Variants in BAZ1B observed in about 807,000 individuals in gnomAD.
The protein encoded by BAZ1B is bromodomain adjacent to zinc finger domain 1B.
BAZ1B carries 22 observed loss-of-function variants against 153.8 expected under a neutral mutation model. That is an observed-to-expected ratio of 0.14 (90% CI 0.10 to 0.20). The LOEUF is 0.20. BAZ1B is among the 10% of genes least tolerant of loss of function. BAZ1B has a pLI of 1.00. For missense variants in BAZ1B, 1,325 were observed against 1,799.3 expected (o/e 0.74, Z 4.77); for synonymous variants, 676 against 633.4 (o/e 1.07, Z -1.01).
At chr7:73,521,283 C>T (rs574778329) in intron 1 of BAZ1B, among the ~76,000 whole-genome samples, 9 of 152,096 alleles carry the variant, frequency 5.9e-5, no homozygotes, top group Non-Finnish European at 1.3e-4. Flanking sequence ...AGTTCATCCC[C>T]GGCCTAAAGT....
chr7:73,447,353 T>G lies in BAZ1B; in HGVS notation c.3755A>C (p.Glu1252Ala). ...ATCACTCTCATCATCTTCACTGTCC[T>G]CAGAAGCAGACTCTTCAGTATAGTT... is the stretch of plus-strand genomic sequence containing the variant. The part of the protein sequence containing the change: ...GRNYTEESAS[E>A]DSEDDESDEE... Residue 1252 changes from glutamate to alanine, a missense_variant, in exon 16 of 20, where the codon GAG (glutamate) becomes GCG (alanine). Physicochemically the swap from Glu to Ala is moderately radical, Grantham distance 107 (BLOSUM62 -1). Coordinates refer to ENST00000339594, the MANE Select transcript of BAZ1B (RefSeq NM_032408.4). 1 of 1,613,770 alleles carries G rather than the reference T, an allele frequency of 6.2e-7. No homozygotes were observed. Among genetic ancestry groups the G allele is most frequent in the Non-Finnish European group, 8.5e-7 (1 of 1,179,796 alleles).
At position 73,519,415 on chromosome 7, in the gene BAZ1B, T is replaced by C. The variant is rs192754497; in HGVS notation, c.107+2412A>G. Among the ~76,000 whole-genome samples, 58 of 152,296 alleles carry C rather than the reference T, an allele frequency of 3.8e-4. 1 individual carries two copies. The highest frequency in any genetic ancestry group is 8.8e-5 in the Non-Finnish European group (6 of 68,028). The stretch of plus-strand genomic sequence containing the variant: ...CAATCTGCCAACCATACAGTACAAT[T>C]GTTTAAAAACCATCCTCAAAGTGCT... On this transcript the variant is annotated intron_variant, in intron 1 of 19. Coordinates refer to ENST00000339594, the MANE Select transcript of BAZ1B (RefSeq NM_032408.4).
Position 73,459,589 on chromosome 7 carries a change from A to G in BAZ1B, c.3379T>C (p.Ser1127Pro). The G allele has an allele frequency of 6.2e-7, 1 of 1,613,880 alleles. No homozygotes were observed. Among genetic ancestry groups the G allele is most frequent in the Non-Finnish European group, 8.5e-7 (1 of 1,179,982 alleles). Residue 1127 changes from serine to proline, a missense_variant, in exon 13 of 20, where the codon TCA becomes CCA. By Grantham distance (74) the Ser-to-Pro change is moderately conservative (BLOSUM62 -1). Coordinates refer to ENST00000339594, the MANE Select transcript of BAZ1B (RefSeq NM_032408.4). ...TCATCCACTTCCTCAGTTTTTGCTGAATCTTCACTTTGGAGTTTTCTTCTC... is the reference window on the plus strand; with the variant it reads ...TCATCCACTTCCTCAGTTTTTGCTGGATCTTCACTTTGGAGTTTTCTTCTC... Reference protein sequence around the residue: ...QKRRKLQSEDSAKTEEVDEEK... With the variant: ...QKRRKLQSEDPAKTEEVDEEK...
chr7:73,457,217 G>A (rs1788239960), intron 13 of BAZ1B, among the ~76,000 whole-genome samples: 1 of 151,960 alleles, frequency 6.6e-6, no homozygotes, highest in Admixed American at 6.6e-5. Flanking sequence ...TTGCTCTGTT[G>A]CCCAGGGTAG....
chr7:73,447,520 G>A, intron 15 of BAZ1B, 141 bp from the exon 16 acceptor site: 2 of 1,070,626 alleles, frequency 1.9e-6, no homozygotes, highest in Non-Finnish European at 2.6e-6. Context: ...GAGGGAACCT[G>A]AATGTAAGCC....
chr7:73,447,434 A>T (rs1272384390), intron 15 of BAZ1B, 55 bp from the exon 16 acceptor site: 5 of 1,556,520 alleles, frequency 3.2e-6, no homozygotes, highest in Non-Finnish European at 4.3e-6. Flanking sequence ...AGTGGTCCTA[A>T]GAAGGGCTCA....
intron 6 of BAZ1B, among the ~76,000 whole-genome samples, chr7:73,486,920 A>G (rs782291662): frequency 2.0e-5 from 3 of 152,252 alleles, no homozygotes; most frequent in Non-Finnish European, 4.4e-5. Flanking sequence ...AATTTTATAA[A>G]TAGGAAAAAC....
chr7:73,497,948 T>TG (rs1230918313), intron 4 of BAZ1B, among the ~76,000 whole-genome samples: 1 of 151,780 alleles, frequency 6.6e-6, no homozygotes, highest in African/African-American at 2.4e-5. Context: ...TTTTGTGTTT[T>TG]GTTTTTTTTT....
At chr7:73,459,779 C>T in intron 12 of BAZ1B, 61 bp from the exon 13 acceptor site, 2 of 1,431,434 alleles carry the variant, frequency 1.4e-6, no homozygotes, top group Non-Finnish European at 1.9e-6. Flanking sequence ...GAAAGGAATC[C>T]AACCTCAAAT....
At chr7:73,497,434 A>G (rs892200432) in intron 4 of BAZ1B, among the ~76,000 whole-genome samples, 2 of 152,170 alleles carry the variant, frequency 1.3e-5, no homozygotes, top group Non-Finnish European at 2.9e-5. Context: ...TTCTTGACTG[A>G]GAATGGTGCC....
Position 73,470,491 on chromosome 7 carries a change from A to C in BAZ1B, c.2594-8T>G. The stretch of plus-strand genomic sequence containing the variant: ...CTTGGCGTTCCAGTTTCACTGTTAA[A>C]AATAAAAAGACTCAAATCAGATATT... On this transcript the variant is annotated splice_region_variant and splice_polypyrimidine_tract_variant and intron_variant, in intron 7 of 19. Coordinates refer to ENST00000339594, the MANE Select transcript of BAZ1B (RefSeq NM_032408.4). 1 of 1,610,182 alleles carries C rather than the reference A, an allele frequency of 6.2e-7. No individual in the cohort carries two copies. Among genetic ancestry groups the C allele is most frequent in the South Asian group, 1.1e-5 (1 of 90,690 alleles).
At chr7:73,474,508 C>T (rs1788928467) in intron 7 of BAZ1B, among the ~76,000 whole-genome samples, 1 of 152,212 alleles carries the variant, frequency 6.6e-6, no homozygotes. Context: ...GGTGCAGTGG[C>T]TCACAGCTGT....
intron 11 of BAZ1B, among the ~76,000 whole-genome samples, chr7:73,463,714 T>TG (rs1321002616): frequency 6.6e-5 from 10 of 151,918 alleles, no homozygotes; most frequent in African/African-American, 9.7e-5. Context: ...TCTTTTTTTT[T>TG]TTGTTGTTTT....
At chr7:73,463,285 C>T (rs933838276) in intron 11 of BAZ1B, among the ~76,000 whole-genome samples, 186 bp from the exon 12 acceptor site, 9 of 141,640 alleles carry the variant, frequency 6.4e-5, no homozygotes, top group South Asian at 2.3e-4. Flanking sequence ...TGCTCTGTCA[C>T]ACAGGCTGGA....
At chr7:73,465,918 A>G (rs902473855) in intron 10 of BAZ1B, among the ~76,000 whole-genome samples, 2 of 152,224 alleles carry the variant, frequency 1.3e-5, no homozygotes, top group Non-Finnish European at 2.9e-5. Context: ...CGCTGCCTAA[A>G]AGCAGAAATG....
chr7:73,476,791 T>C, intron 7 of BAZ1B, 77 bp downstream of exon 7: 1 of 1,521,004 alleles, frequency 6.6e-7, no homozygotes, highest in Non-Finnish European at 8.8e-7. Flanking sequence ...ACAGAGACCC[T>C]ACCATTACCT....
intron 15 of BAZ1B, among the ~76,000 whole-genome samples, chr7:73,447,722 T>C (rs1554566968): frequency 6.6e-6 from 1 of 152,162 alleles, no homozygotes; most frequent in Non-Finnish European, 1.5e-5. Flanking sequence ...AGCCAGATAA[T>C]GTAATACATC....
chr7:73,485,879 A>AT (rs1420742596), intron 6 of BAZ1B, among the ~76,000 whole-genome samples: 1 of 152,170 alleles, frequency 6.6e-6, no homozygotes, highest in Admixed American at 6.5e-5. Context: ...ATCAGTCTAA[A>AT]ATAAGAGCTC....
At chr7:73,485,420 A>G (rs1789365263) in intron 6 of BAZ1B, among the ~76,000 whole-genome samples, 1 of 152,086 alleles carries the variant, frequency 6.6e-6, no homozygotes, top group Admixed American at 6.5e-5. Context: ...CAGGAGCTCA[A>G]GACCAGCATG....
Sources: allele counts gnomAD v4.1 joint callset (sites outside exome capture counted in the v4.1 genomes callset), GRCh38; gene constraint gnomAD v4.1.1; transcripts MANE v1.5; gene names NCBI Gene and HGNC (gene_info 2026-07-23, HGNC 2026-07-21).